The following NKAPD1 variants were observed in gnomAD, a reference collection of about 807,000 sequenced individuals.
NKAPD1 encodes the protein NKAP domain containing 1.
NKAPD1 carries 12 observed loss-of-function variants against 30.9 expected under a neutral mutation model. That is an observed-to-expected ratio of 0.39 (90% confidence interval 0.25 to 0.63). The LOEUF is 0.63. Among genes scored for constraint, NKAPD1 ranks in the 20% least tolerant of loss-of-function variants. The pLI is 0.51. For missense variants in NKAPD1, 311 were observed against 344.5 expected (o/e 0.90, Z 0.77); for synonymous variants, 91 against 113.6 (o/e 0.80, Z 1.26).
chr11:112,082,576 GA>G lies in NKAPD1; in HGVS notation c.493del (p.Arg165GlyfsTer16). 1 of 1,612,552 alleles carries G rather than the reference GA, an allele frequency of 6.2e-7. No individual in the cohort carries two copies. The highest frequency in any genetic ancestry group is 1.1e-5 in the South Asian group (1 of 90,754). ...CAAAGAAATCCCACAAAAAAAAGCAGAAAAAAAGGTCACACAAAAAACAGAA... is the reference window on the plus strand; with the variant it reads ...CAAAGAAATCCCACAAAAAAAAGCAGAAAAAAGGTCACACAAAAAACAGAA... The part of the protein sequence containing the change: ...KSKKSHKKKQ[K>X]KRSHKKQKKS... On this transcript the variant is annotated frameshift_variant, in exon 6 of 6. Transcript: ENST00000393047. LOFTEE classifies it high-confidence loss of function.
intron 1 of NKAPD1, 86 bp from the exon 2 acceptor site, chr11:112,075,481 C>T (rs1430960569): frequency 4.1e-6 from 4 of 965,522 alleles, no homozygotes; most frequent in South Asian, 3.0e-5. Flanking sequence ...CTTTCCTGTA[C>T]CTCATATGCT....
chr11:112,080,980 C>T (rs1865437620), intron 4 of NKAPD1: 1 of 160,950 alleles, frequency 6.2e-6, no homozygotes, highest in African/African-American at 2.4e-5. Context: ...GGGCTGGAGG[C>T]ACTACACTTT....
At chr11:112,082,173 T>C (rs1239673699) in intron 5 of NKAPD1, 138 bp downstream of exon 5, 4 of 783,664 alleles carry the variant, frequency 5.1e-6, no homozygotes, top group African/African-American at 1.8e-5. Context: ...AGTTAGGAGG[T>C]GATCCCTGTT....
chr11:112,082,013 C>T lies in NKAPD1; in HGVS notation c.352C>T (p.Pro118Ser). The T allele has an allele frequency of 1.2e-6, 2 of 1,611,606 alleles. No homozygotes were observed. Among genetic ancestry groups the T allele is most frequent in the Non-Finnish European group, 1.7e-6 (2 of 1,178,344 alleles). The change falls in exon 5 of 6, where the codon CCT (proline) becomes TCT (serine). Residue 118 changes from proline (P) to serine (S), a missense_variant. Transcript: ENST00000393047. The part of the protein sequence containing the change: ...WGHSGYKELY[P>S]EEFETDSSDQ... ...TCACAGTGGTTATAAAGAGTTATAC[C>T]CTGAAGAATTTGAAACAGACAGGTA... is the stretch of plus-strand genomic sequence containing the variant.
chr11:112,082,937 G>T lies in NKAPD1; in HGVS notation c.847G>T (p.Asp283Tyr). 6.2e-7 allele frequency: 1 copy of T among 1,605,738 alleles called. No individual in the cohort carries two copies. Among genetic ancestry groups the T allele is most frequent in the South Asian group, 1.1e-5 (1 of 89,646 alleles). The change falls in exon 6 of 6, where the codon GAT becomes TAT. Residue 283 changes from aspartate to tyrosine, a missense_variant. Coordinates refer to ENST00000393047, the MANE Select transcript of NKAPD1 (RefSeq NM_018195.4). ...ACGCACAAATTGGAAAGTAGCTACAGATGAAAGGTCTGCTGAGAGCTCAGA... is the reference window on the plus strand; with the variant it reads ...ACGCACAAATTGGAAAGTAGCTACATATGAAAGGTCTGCTGAGAGCTCAGA... Reference protein sequence around the residue: ...NKRTNWKVATDERSAESSEDD With the variant: ...NKRTNWKVATYERSAESSEDD
chr11:112,074,493 C>T lies in NKAPD1; in HGVS notation c.-432C>T, dbSNP rs1224729316. 1.8e-5 allele frequency: 7 copies of T among 398,950 alleles called. No homozygotes were observed. Among genetic ancestry groups the T allele is most frequent in the Non-Finnish European group, 3.1e-5 (7 of 226,104 alleles). 24.7% of individuals were successfully genotyped at this position (398,950 alleles called of 1,614,324 possible). A position where few individuals can be genotyped will look rare whatever the true frequency, so the allele number is the denominator to read the frequency against. On this transcript the variant is annotated 5_prime_UTR_variant, in exon 1 of 6. Coordinates refer to ENST00000393047, the MANE Select transcript of NKAPD1 (RefSeq NM_018195.4). ...TTTCCTCTGTCTTCCACTTGGAAAC[C>T]TCAACCCCCGCTTCAGGCTCCCTAG...
At chr11:112,081,703 A>G (rs866343389) in intron 4 of NKAPD1, 1 of 333,276 alleles carries the variant, frequency 3.0e-6, no homozygotes, top group Non-Finnish European at 5.5e-6. Context: ...AGTGCTTCAT[A>G]GCTAAAGAGC....
At chr11:112,076,242 T>C (rs1270953553) in intron 2 of NKAPD1, among the ~76,000 whole-genome samples, 9 of 151,508 alleles carry the variant, frequency 5.9e-5, no homozygotes, top group African/African-American at 2.2e-4. Flanking sequence ...AGATGGTTTG[T>C]CAGCTGGGTA....
Position 112,080,566 on chromosome 11 carries a change from AT to A in NKAPD1, c.320+10del. On this transcript the variant is annotated intron_variant, in intron 4 of 5. Transcript: ENST00000393047. ...AGCAAACATGCCAGACAGGTTTGTG[AT>A]TAATTCCTGTGAGCATTAATATTTG... 6.2e-7 allele frequency: 1 copy of A among 1,612,402 alleles called. No individual in the cohort carries two copies. The highest frequency in any genetic ancestry group is 1.3e-5 in the African/African-American group (1 of 74,996).
At chr11:112,079,793 G>C (rs1209924071) in intron 3 of NKAPD1, among the ~76,000 whole-genome samples, 1 of 151,836 alleles carries the variant, frequency 6.6e-6, no homozygotes, top group Non-Finnish European at 1.5e-5. Flanking sequence ...GGTACTAATG[G>C]TCAGATTTTT....
chr11:112,076,906 C>T (rs1052277016), intron 2 of NKAPD1, among the ~76,000 whole-genome samples: 1 of 152,138 alleles, frequency 6.6e-6, no homozygotes, highest in African/African-American at 2.4e-5. Context: ...TGGTTTTCAA[C>T]ATGTTGATGG....
intron 2 of NKAPD1, 124 bp downstream of exon 2, chr11:112,075,767 T>C: frequency 1.1e-6 from 1 of 870,452 alleles, no homozygotes; most frequent in South Asian, 1.6e-5. Context: ...GAAGCTTCCG[T>C]ACACAGTAGG....
rs374660879 is a variant in NKAPD1, at chr11:112,074,299, C to G, written c.-626C>G. ...TCCGGCCTGAAAAGGAAGTCTCCTCCTTTTTCTCCCAAACCACTTCTTCCC... is the reference window on the plus strand; with the variant it reads ...TCCGGCCTGAAAAGGAAGTCTCCTCGTTTTTCTCCCAAACCACTTCTTCCC... On this transcript the variant is annotated 5_prime_UTR_variant, in exon 1 of 6. Transcript: ENST00000393047. 1 of 398,998 alleles carries G rather than the reference C, an allele frequency of 2.5e-6. No individual in the cohort carries two copies. The highest frequency in any genetic ancestry group is 3.6e-5 in the East Asian group (1 of 28,054). The allele number at this position is 398,998 out of a possible 1,614,324, so 24.7% of individuals were successfully genotyped here.
chr11:112,082,872 C>A lies in NKAPD1; in HGVS notation c.782C>A (p.Thr261Asn), dbSNP rs1361548534. ...AAAAAGAGAGAGAAAAAAGCCCATA[C>A]CTCTGTAGCCAACAATGAAATACAG... is the stretch of plus-strand genomic sequence containing the variant. ...KRKKREKKAH[T>N]SVANNEIQER... is the part of the protein sequence containing the mutation. The change falls in exon 6 of 6, where the codon ACC becomes AAC. Residue 261 changes from threonine to asparagine, a missense_variant. By Grantham distance (65) the Thr-to-Asn change is moderately conservative. Coordinates refer to ENST00000393047, the MANE Select transcript of NKAPD1 (RefSeq NM_018195.4). 5.0e-6 allele frequency: 8 copies of A among 1,613,598 alleles called. No homozygotes were observed. The highest frequency in any genetic ancestry group is 4.5e-5 in the East Asian group (2 of 44,888).
intron 2 of NKAPD1, among the ~76,000 whole-genome samples, chr11:112,077,329 T>C (rs2135243770): frequency 6.6e-6 from 1 of 152,356 alleles, no homozygotes; most frequent in African/African-American, 2.4e-5. Context: ...AAATAAAATG[T>C]GTTCTTTGGG....
In NKAPD1 at chr11:112,084,459, T is replaced by C. The variant is rs935730801; in HGVS notation, c.*1487T>C. 8 of 152,660 alleles carry C rather than the reference T, an allele frequency of 5.2e-5. No individual in the cohort carries two copies. Among genetic ancestry groups the C allele is most frequent in the African/African-American group, 1.9e-4 (8 of 41,470 alleles). 9.5% of individuals were successfully genotyped at this position (152,660 alleles called of 1,614,324 possible). A position where few individuals can be genotyped will look rare whatever the true frequency, so the allele number is the denominator to read the frequency against. On this transcript the variant is annotated 3_prime_UTR_variant, in exon 6 of 6. Coordinates refer to ENST00000393047, the MANE Select transcript of NKAPD1 (RefSeq NM_018195.4). Reference sequence around the variant, plus strand: ...ATATTTATTTTAAATTTTAATACTTTGGTACTCAATTGTCAGTGTTCCATG... The same window carrying C: ...ATATTTATTTTAAATTTTAATACTTCGGTACTCAATTGTCAGTGTTCCATG...
intron 2 of NKAPD1, 70 bp from the exon 3 acceptor site, chr11:112,078,145 G>C: frequency 1.6e-6 from 2 of 1,217,710 alleles, no homozygotes. Context: ...TGCCCGGCCA[G>C]TTAGTTACTT....
chr11:112,082,392 T>C, intron 5 of NKAPD1, 73 bp from the exon 6 acceptor site: 1 of 1,292,996 alleles, frequency 7.7e-7, no homozygotes, highest in Admixed American at 3.3e-5. Flanking sequence ...TTTTTTAATC[T>C]AGAATGCAAA....
chr11:112,080,468 A>G lies in NKAPD1; in HGVS notation c.230A>G (p.Asn77Ser), dbSNP rs1374774097. The G allele has an allele frequency of 1.2e-6, 2 of 1,613,998 alleles. No homozygotes were observed. Among genetic ancestry groups the G allele is most frequent in the African/African-American group, 2.7e-5 (2 of 74,920 alleles). The change falls in exon 4 of 6, where the codon AAT becomes AGT. Residue 77 changes from asparagine (N) to serine (S), a missense_variant. Coordinates refer to ENST00000393047, the MANE Select transcript of NKAPD1 (RefSeq NM_018195.4). ...ESQRYYWRPK[N>S]EISGTLEDDF... ...CAAAGATACTATTGGAGGCCAAAGA[A>G]TGAAATTTCTGGGACACTGGAAGAT...
Sources: gnomAD v4.1 joint callset for allele counts (sites outside exome capture counted in the v4.1 genomes callset) on GRCh38, gnomAD v4.1.1 for gene constraint, MANE v1.5 for transcripts, NCBI Gene and HGNC (gene_info 2026-07-23, HGNC 2026-07-21) for gene names.